Variants in MECOM observed in about 807,000 individuals in gnomAD.
The protein encoded by MECOM is histone-lysine N-methyltransferase MECOM.
In MECOM, 13 loss-of-function variants were observed where a neutral mutation model predicts 116.3. The ratio of observed to expected loss-of-function variants is 0.11; its 90% CI spans 0.07 to 0.18. MECOM has a LOEUF of 0.18. MECOM is among the 10% of genes least tolerant of loss of function. The pLI is 1.00. For synonymous variants in MECOM, 528 were observed against 535.2 expected (o/e 0.99, Z 0.19); for missense variants, 1,299 against 1,509.0 (o/e 0.86, Z 2.31).
intron 1 of MECOM, among the ~76,000 whole-genome samples, chr3:169,637,607 G>T (rs2110008343): frequency 6.6e-6 from 1 of 152,282 alleles, no homozygotes; most frequent in Middle Eastern, 3.4e-3. Flanking sequence ...TCCTAATTCG[G>T]ACTGTTGGAG....
At chr3:169,631,081 C>T (rs1772022915) in intron 1 of MECOM, among the ~76,000 whole-genome samples, 1 of 152,246 alleles carries the variant, frequency 6.6e-6, no homozygotes, top group African/African-American at 2.4e-5. Context: ...TGGTGGAGCA[C>T]AAGGAGACTG....
At chr3:169,192,424 A>C (rs898688751) in intron 2 of MECOM, among the ~76,000 whole-genome samples, 3 of 151,990 alleles carry the variant, frequency 2.0e-5, no homozygotes, top group Non-Finnish European at 4.4e-5. Context: ...TAAAACCTCA[A>C]ATTTTTTTAT....
At chr3:169,200,468 TA>T (rs1388648552) in intron 2 of MECOM, among the ~76,000 whole-genome samples, 1 of 151,882 alleles carries the variant, frequency 6.6e-6, no homozygotes, top group African/African-American at 2.4e-5. Context: ...TAGGTTTGTC[TA>T]AAAAAAATTC....
chr3:169,599,051 A>G lies in MECOM; in HGVS notation c.37+64285T>C, dbSNP rs1369487543. On this transcript the variant is annotated intron_variant, in intron 1 of 16. Transcript: ENST00000651503. ...GGGCCTGTACCTGATCAAAACAGAC[A>G]TATTCATTCATACCACTCTGCTTCC... is the stretch of plus-strand genomic sequence containing the variant. Among the ~76,000 whole-genome samples, 5 of 152,250 alleles carry G rather than the reference A, an allele frequency of 3.3e-5. No individual in the cohort carries two copies. In the East Asian group the frequency reaches 9.6e-4, roughly 29 times the overall value.
chr3:169,115,396 C>A lies in MECOM; in HGVS notation c.2476G>T (p.Asp826Tyr), dbSNP rs373822588. ...QHARPTPFFM[D>Y]PIYRVEKRKL... is the part of the protein sequence containing the mutation. Reference sequence around the variant, plus strand: ...ATACACGCTTACCTGTAAATAGGGTCCATAAAGAAAGGAGTGGGTCTTGCA... The same window carrying A: ...ATACACGCTTACCTGTAAATAGGGTACATAAAGAAAGGAGTGGGTCTTGCA... The change falls in exon 8 of 17, where the codon GAC becomes TAC. Residue 826 changes from aspartate (D) to tyrosine (Y), a missense_variant. Transcript: ENST00000651503. The A allele has an allele frequency of 1.2e-6, 2 of 1,613,678 alleles. No homozygotes were observed. The highest frequency in any genetic ancestry group is 2.7e-5 in the African/African-American group (2 of 74,912).
intron 1 of MECOM, among the ~76,000 whole-genome samples, chr3:169,522,324 G>T (rs1757437677): frequency 2.0e-5 from 3 of 152,186 alleles, no homozygotes. Flanking sequence ...AGACCAAAGG[G>T]TCAGCTGCGG....
intron 1 of MECOM, among the ~76,000 whole-genome samples, chr3:169,561,783 G>A (rs1762662737): frequency 6.6e-6 from 1 of 152,132 alleles, no homozygotes. Context: ...ATGCGTATTT[G>A]CAGATACATA....
At chr3:169,480,091 G>T (rs1313195517) in intron 1 of MECOM, among the ~76,000 whole-genome samples, 3 of 152,040 alleles carry the variant, frequency 2.0e-5, no homozygotes, top group Admixed American at 2.0e-4. Context: ...ATCACTATTG[G>T]TATAAAAAAA....
At position 169,111,149 on chromosome 3, in the gene MECOM, C is replaced by T. The variant is rs576056363; in HGVS notation, c.2577+1638G>A. Among the ~76,000 whole-genome samples, 4 of 152,248 alleles carry T rather than the reference C, an allele frequency of 2.6e-5. No homozygotes were observed. In the South Asian group the frequency reaches 6.2e-4, roughly 24 times the overall value. ...AAGTGGATAGAAACCTTACACCCGA[C>T]TCTCTCATTTTTCAAACAGGAAAAC... On this transcript the variant is annotated intron_variant, in intron 9 of 16. Transcript: ENST00000651503.
chr3:169,427,650 T>C (rs1381822049), intron 1 of MECOM, among the ~76,000 whole-genome samples: 1 of 152,196 alleles, frequency 6.6e-6, no homozygotes. Context: ...AGCAATCTCT[T>C]GTACAGAAGA....
intron 1 of MECOM, among the ~76,000 whole-genome samples, chr3:169,543,071 C>T (rs1464170547): frequency 6.6e-6 from 1 of 151,962 alleles, no homozygotes; most frequent in Non-Finnish European, 1.5e-5. Context: ...GTTACGAATA[C>T]CAAAATGTGC....
At chr3:169,191,720 AAAAG>A (rs796245610) in intron 2 of MECOM, among the ~76,000 whole-genome samples, 248 of 48,016 alleles carry the variant, frequency 5.2e-3, no homozygotes, top group South Asian at 8.7e-3. Flanking sequence ...AAGAAAGAAA[AAAAG>A]AAAGAAAGAA....
chr3:169,170,522 C>A (rs1744260487), intron 2 of MECOM, among the ~76,000 whole-genome samples: 1 of 152,006 alleles, frequency 6.6e-6, no homozygotes, highest in Non-Finnish European at 1.5e-5. Context: ...GAAGTCACAG[C>A]TCAAATGTAT....
intron 2 of MECOM, among the ~76,000 whole-genome samples, chr3:169,186,997 A>C (rs895823229): frequency 2.0e-5 from 3 of 152,224 alleles, no homozygotes; most frequent in African/African-American, 7.2e-5. Flanking sequence ...AGTTAGGTGA[A>C]CAATTTAACA....
At chr3:169,228,830 A>T (rs1753047182) in intron 2 of MECOM, among the ~76,000 whole-genome samples, 1 of 152,192 alleles carries the variant, frequency 6.6e-6, no homozygotes, top group Non-Finnish European at 1.5e-5. Flanking sequence ...AATAGTCTGC[A>T]GTTTTAAAAG....
At position 169,310,152 on chromosome 3, in the gene MECOM, T is replaced by C. The variant is rs1718478359; in HGVS notation, c.375+71035A>G. Among the ~76,000 whole-genome samples the C allele has an allele frequency of 2.6e-5, 4 of 152,252 alleles. No homozygotes were observed. In the South Asian group the frequency reaches 6.2e-4, roughly 24 times the overall value. ...TGCAATTTTTTCCAATAACATTGTG[T>C]CTTTATAAGATTAAAGACATTTTTT... On this transcript the variant is annotated intron_variant, in intron 2 of 16. Transcript: ENST00000651503.
At chr3:169,588,375 G>GTTTTC (rs1442306829) in intron 1 of MECOM, among the ~76,000 whole-genome samples, 2 of 151,910 alleles carry the variant, frequency 1.3e-5, no homozygotes, top group African/African-American at 4.8e-5. Context: ...GTTTTGTTTT[G>GTTTTC]ATACTTTCAT....
At chr3:169,329,036 C>T (rs1357919711) in intron 2 of MECOM, among the ~76,000 whole-genome samples, 2 of 152,146 alleles carry the variant, frequency 1.3e-5, no homozygotes, top group Admixed American at 1.3e-4. Flanking sequence ...TACACAGAAT[C>T]CTCTCTGGTG....
At chr3:169,498,173 G>A (rs1388896548) in intron 1 of MECOM, among the ~76,000 whole-genome samples, 1 of 152,018 alleles carries the variant, frequency 6.6e-6, no homozygotes, top group Non-Finnish European at 1.5e-5. Context: ...TATCAGTTAA[G>A]TGTAATTTGA....
Sources: allele counts gnomAD v4.1 joint callset (sites outside exome capture counted in the v4.1 genomes callset), GRCh38; gene constraint gnomAD v4.1.1; transcripts MANE v1.5; gene names NCBI Gene and HGNC (gene_info 2026-07-23, HGNC 2026-07-21).